CUX2: variants seen among roughly 807,000 people sequenced by gnomAD.
CUX2 encodes homeobox protein cut-like 2.
In CUX2, 40 loss-of-function variants were observed where a neutral mutation model predicts 144.8. That is an observed-to-expected ratio of 0.28 (90% CI 0.21 to 0.36). The LOEUF is 0.36. CUX2 is among the 10% of genes least tolerant of loss of function. The pLI is 1.00. For missense variants in CUX2, 1,615 were observed against 1,994.0 expected (o/e 0.81, Z 3.62); for synonymous variants, 827 against 875.6 (o/e 0.94, Z 0.98).
In CUX2 at chr12:111,034,285, G is replaced by A. The variant is rs754362931; in HGVS notation, c.63+45G>A. 1.6e-6 allele frequency: 2 copies of A among 1,255,428 alleles called. No homozygotes were observed. The highest frequency in any genetic ancestry group is 2.1e-6 in the Non-Finnish European group (2 of 962,994). The allele number at this position is 1,255,428 out of a possible 1,614,324, so 77.8% of individuals were successfully genotyped here. ...GCCGCGCGGCCGTGAGGAGCCCCCG[G>A]GCGCGCCCTGGGCGCATTGGGGAGG... On this transcript the variant is annotated intron_variant, in intron 1 of 21. Transcript: ENST00000261726. The surrounding 1 kb of genome is among the most constrained non-coding windows in gnomAD (Gnocchi z 4.2).
At chr12:111,038,068 T>C (rs941122459) in intron 1 of CUX2, among the ~76,000 whole-genome samples, 6 of 152,216 alleles carry the variant, frequency 3.9e-5, no homozygotes, top group African/African-American at 1.4e-4. Flanking sequence ...TTGGAGAAAC[T>C]TCCGGGAACA....
rs1029869802 is a variant in CUX2, at chr12:111,217,607, G to C, written c.175-283G>C. 1.2e-4 allele frequency among the ~76,000 whole-genome samples: 18 copies of C among 152,320 alleles called. 1 individual carries two copies. In the East Asian group the frequency reaches 3.5e-3, roughly 29 times the overall value. On this transcript the variant is annotated intron_variant, in intron 2 of 21. Transcript: ENST00000261726. ...GACCATTCTATGATCACATTCATTT[G>C]AGAAACGCCACTTCCTTTGTCTTCT...
At chr12:111,149,651 G>A (rs993853363) in intron 1 of CUX2, among the ~76,000 whole-genome samples, 9 of 152,164 alleles carry the variant, frequency 5.9e-5, no homozygotes, top group South Asian at 4.1e-4. Flanking sequence ...ACAGTCACTC[G>A]TGTTTTAAAG....
intron 1 of CUX2, among the ~76,000 whole-genome samples, chr12:111,080,499 C>G (rs2136041909): frequency 6.6e-6 from 1 of 151,800 alleles, no homozygotes; most frequent in African/African-American, 2.4e-5. Context: ...CAGCAAGACC[C>G]CATCTCTCTG....
chr12:111,085,956 G>A (rs1483566260), intron 1 of CUX2, among the ~76,000 whole-genome samples: 1 of 152,230 alleles, frequency 6.6e-6, no homozygotes, highest in African/African-American at 2.4e-5. Context: ...TTTGGGAAAT[G>A]CCCTGAATGG....
chr12:111,202,325 G>C (rs183458146), intron 1 of CUX2, among the ~76,000 whole-genome samples: 1 of 152,164 alleles, frequency 6.6e-6, no homozygotes, highest in Non-Finnish European at 1.5e-5. Context: ...TTTAAATTCC[G>C]AGAACTCCGG....
intron 16 of CUX2, among the ~76,000 whole-genome samples, chr12:111,316,142 C>CT (rs201009821): frequency 0.32 from 41,678 of 132,006 alleles, 8,905 homozygotes; most frequent in East Asian, 0.71. Context: ...TAAAATTAAG[C>CT]TTTTTTTTTT....
intron 3 of CUX2, among the ~76,000 whole-genome samples, chr12:111,221,110 T>C (rs546389036): frequency 2.6e-4 from 39 of 152,262 alleles, no homozygotes; most frequent in African/African-American, 8.9e-4. Context: ...ATGTGGCATA[T>C]TGAATAGATG....
intron 4 of CUX2, among the ~76,000 whole-genome samples, chr12:111,271,723 C>G (rs1201900630): frequency 3.3e-5 from 5 of 152,210 alleles, no homozygotes; most frequent in Non-Finnish European, 7.3e-5. Flanking sequence ...CACTAAATAT[C>G]TTTTCATATG....
intron 9 of CUX2, among the ~76,000 whole-genome samples, chr12:111,302,899 T>TAA (rs35454022): frequency 5.5e-5 from 6 of 109,442 alleles, no homozygotes; most frequent in East Asian, 2.4e-4. Context: ...GACTCTGTCT[T>TAA]AAAAAAAAAA....
chr12:111,053,924 G>A (rs1016916484), intron 1 of CUX2, among the ~76,000 whole-genome samples: 1 of 152,212 alleles, frequency 6.6e-6, no homozygotes, highest in African/African-American at 2.4e-5. Context: ...GGAGGCCACG[G>A]CGGGTGGATC....
chr12:111,170,941 A>G (rs1878484272), intron 1 of CUX2, among the ~76,000 whole-genome samples: 1 of 152,028 alleles, frequency 6.6e-6, no homozygotes, highest in Admixed American at 6.6e-5. Context: ...GGAGGGATGG[A>G]CCGGGCCCAT....
intron 3 of CUX2, among the ~76,000 whole-genome samples, chr12:111,257,342 TCTTCCTCCTCCG>T (rs1432197987): frequency 2.2e-5 from 2 of 89,580 alleles, no homozygotes. Context: ...CCCTTCCTCC[TCTTCCTCCTCCG>T]CTTCCTCCTC....
At chr12:111,318,958 C>T (rs528953818) in intron 16 of CUX2, among the ~76,000 whole-genome samples, 22 of 152,236 alleles carry the variant, frequency 1.4e-4, no homozygotes, top group Non-Finnish European at 3.1e-4. Context: ...AGTCACTGTG[C>T]CTGGCCCATC....
chr12:111,294,874 G>T (rs1885889450), intron 6 of CUX2, among the ~76,000 whole-genome samples: 1 of 151,976 alleles, frequency 6.6e-6, no homozygotes, highest in African/African-American at 2.4e-5. Flanking sequence ...CTCCAGCCTG[G>T]GCGACAGAGC....
At chr12:111,100,287 G>A (rs892174275) in intron 1 of CUX2, among the ~76,000 whole-genome samples, 11 of 152,054 alleles carry the variant, frequency 7.2e-5, no homozygotes, top group Non-Finnish European at 1.5e-4. Flanking sequence ...CGATGTATGC[G>A]TGGCCTGTGT....
Position 111,160,668 on chromosome 12 carries a change from A to G in CUX2, c.64-53532A>G, listed in dbSNP as rs1417895240. Among the ~76,000 whole-genome samples the G allele has an allele frequency of 6.6e-6, 1 of 152,152 alleles. No individual in the cohort carries two copies. The highest frequency in any genetic ancestry group is 2.4e-5 in the African/African-American group (1 of 41,438). Reference sequence around the variant, plus strand: ...CAATGGAGGGCTATGCAGAGGAGTGACGCAGTCCAGTGGCATTTTCAGGGG... The same window carrying G: ...CAATGGAGGGCTATGCAGAGGAGTGGCGCAGTCCAGTGGCATTTTCAGGGG... On this transcript the variant is annotated intron_variant, in intron 1 of 21. Coordinates refer to ENST00000261726, the MANE Select transcript of CUX2 (RefSeq NM_015267.4). The surrounding 1 kb of genome is among the most constrained non-coding windows in gnomAD (Gnocchi z 4.1).
intron 1 of CUX2, among the ~76,000 whole-genome samples, chr12:111,100,768 CAT>C (rs1566220364): frequency 1.3e-5 from 2 of 152,206 alleles, no homozygotes; most frequent in African/African-American, 4.8e-5. Context: ...GAGCAGTGCT[CAT>C]GTGCTGGAGC....
At chr12:111,276,657 G>C (rs1884889763) in intron 4 of CUX2, among the ~76,000 whole-genome samples, 1 of 151,988 alleles carries the variant, frequency 6.6e-6, no homozygotes, top group African/African-American at 2.4e-5. Flanking sequence ...GTTTTGTTTT[G>C]TTTTGTTTTG....
Sources: allele counts gnomAD v4.1 joint callset (sites outside exome capture counted in the v4.1 genomes callset), GRCh38; gene constraint gnomAD v4.1.1; non-coding constraint Gnocchi (gnomAD v3.1); transcripts MANE v1.5; gene names NCBI Gene and HGNC (gene_info 2026-07-23, HGNC 2026-07-21).